ZFAND2A: variants seen among roughly 807,000 people sequenced by gnomAD.
The protein encoded by ZFAND2A is AN1-type zinc finger protein 2A.
In ZFAND2A, 20 loss-of-function variants were observed where a neutral mutation model predicts 11.6. The ratio of observed to expected loss-of-function variants is 1.72; its 90% CI spans 1.21 to 2.50. The LOEUF (loss-of-function observed/expected upper bound fraction) is 2.50. Among genes scored for constraint, ZFAND2A ranks in the 30% most tolerant of loss-of-function variants. The pLI is 0.00. For missense variants in ZFAND2A, 234 were observed against 182.9 expected, an observed-to-expected ratio of 1.28 and a Z score of -1.61; for synonymous variants, 93 against 60.6, an observed-to-expected ratio of 1.54 and a Z score of -2.48.
chr7:1,158,762 G>A (rs1263016999), intron 1 of ZFAND2A, among the ~76,000 whole-genome samples: 1 of 152,172 alleles, frequency 6.6e-6, no homozygotes, highest in African/African-American at 2.4e-5. Flanking sequence ...AGTTGATCAG[G>A]GAGAAGCGCA....
chr7:1,156,128 A>C (rs1460719131), intron 3 of ZFAND2A, among the ~76,000 whole-genome samples: 4 of 117,910 alleles, frequency 3.4e-5, no homozygotes, highest in South Asian at 2.2e-4. Context: ...GCAAGGCTAA[A>C]AACCTGAGCT....
chr7:1,152,058 C>T (rs899341516), downstream of ZFAND2A: 17 of 599,070 alleles, frequency 2.8e-5, no homozygotes, highest in African/African-American at 1.1e-4. Context: ...CTGCTGCTGC[C>T]GAAAGGTTGT....
At chr7:1,157,537 G>A (rs957193336) in intron 3 of ZFAND2A, 119 bp downstream of exon 3, 3 of 1,061,018 alleles carry the variant, frequency 2.8e-6, no homozygotes, top group Admixed American at 2.6e-5. Context: ...CTGAAAAACT[G>A]GATTTTAAAA....
chr7:1,149,279 G>C (rs55647957), downstream of ZFAND2A, among the ~76,000 whole-genome samples: 4 of 152,100 alleles, frequency 2.6e-5, no homozygotes, highest in Non-Finnish European at 5.9e-5. Context: ...TAACCACACC[G>C]AACACTGTGC....
At chr7:1,159,604 T>C (rs560950965) in intron 1 of ZFAND2A, among the ~76,000 whole-genome samples, 1 of 33,162 alleles carries the variant, frequency 3.0e-5, no homozygotes. Flanking sequence ...GCAGGCCCGG[T>C]CCCCAGCAGA....
intron 3 of ZFAND2A, chr7:1,157,329 T>C (rs1234012756): frequency 2.1e-5 from 4 of 194,590 alleles, no homozygotes; most frequent in Non-Finnish European, 4.2e-5. Context: ...GTAACAGCTA[T>C]GGTGTAACAG....
intron 1 of ZFAND2A, among the ~76,000 whole-genome samples, chr7:1,159,146 C>T (rs559051086): frequency 2.0e-5 from 3 of 152,344 alleles, no homozygotes; most frequent in Non-Finnish European, 2.9e-5. Flanking sequence ...TTTCCCAGCC[C>T]TCCTTCGCCC....
At chr7:1,154,183 ATTTTT>A (rs141971953) in intron 4 of ZFAND2A, among the ~76,000 whole-genome samples, 7 of 128,828 alleles carry the variant, frequency 5.4e-5, no homozygotes, top group Non-Finnish European at 1.6e-5. Flanking sequence ...CCCACCGGTC[ATTTTT>A]TTTTTTTTTT....
chr7:1,149,426 C>G (rs544239174), downstream of ZFAND2A, among the ~76,000 whole-genome samples: 1 of 152,330 alleles, frequency 6.6e-6, no homozygotes, highest in South Asian at 2.1e-4. Context: ...CCACCTCAGA[C>G]CACAGAACCA....
chr7:1,149,488 C>T (rs112956471), downstream of ZFAND2A, among the ~76,000 whole-genome samples: 123 of 152,326 alleles, frequency 8.1e-4, 1 homozygote, highest in African/African-American at 2.8e-3. Context: ...TGTGTTTTGA[C>T]ACAGGCTAGG....
chr7:1,154,734 G>C (rs142001861), intron 4 of ZFAND2A, among the ~76,000 whole-genome samples: 1 of 152,216 alleles, frequency 6.6e-6, no homozygotes, highest in Non-Finnish European at 1.5e-5. Context: ...TAACTGTAAA[G>C]TATTGAACAT....
At chr7:1,151,993 A>G (rs532177907), downstream of ZFAND2A, 63 of 379,406 alleles carry the variant, frequency 1.7e-4, no homozygotes, top group African/African-American at 1.2e-3. Context: ...AATGTTGATC[A>G]TGTCAGAGGA....
At chr7:1,155,097 C>A (rs1793490595) in intron 4 of ZFAND2A, among the ~76,000 whole-genome samples, 1 of 152,150 alleles carries the variant, frequency 6.6e-6, no homozygotes, top group African/African-American at 2.4e-5. Flanking sequence ...GGCACTCCAG[C>A]CTGGGTGACA....
At chr7:1,159,124 G>A (rs1227852534) in intron 1 of ZFAND2A, among the ~76,000 whole-genome samples, 1 of 152,114 alleles carries the variant, frequency 6.6e-6, no homozygotes, top group Non-Finnish European at 1.5e-5. Context: ...TACTTAAGGT[G>A]CCCATTAGTC....
Position 1,157,517 on chromosome 7 carries a change from G to C in ZFAND2A, c.150+139C>G. 3 of 796,018 alleles carry C rather than the reference G, an allele frequency of 3.8e-6. No homozygotes were observed. In the South Asian group the frequency reaches 5.1e-5, roughly 14 times the overall value. 49.3% of individuals were successfully genotyped at this position (796,018 alleles called of 1,614,324 possible). A position where few individuals can be genotyped will look rare whatever the true frequency, so the allele number is the denominator to read the frequency against. On this transcript the variant is annotated intron_variant, in intron 3 of 4. Coordinates refer to ENST00000316495, the MANE Select transcript of ZFAND2A (RefSeq NM_182491.4). ...CCTAACAGCAGGCACCTGAAACGAG[G>C]CTAGTGGGACTGAAAAACTGGATTT...
At chr7:1,152,567 G>A (rs1184686858), downstream of ZFAND2A, among the ~76,000 whole-genome samples, 1 of 152,148 alleles carries the variant, frequency 6.6e-6, no homozygotes, top group African/African-American at 2.4e-5. Flanking sequence ...CCCTAGACTC[G>A]GGACCTCAGA....
chr7:1,149,119 T>C (rs1793351996), downstream of ZFAND2A, among the ~76,000 whole-genome samples: 1 of 152,166 alleles, frequency 6.6e-6, no homozygotes, highest in South Asian at 2.1e-4. Flanking sequence ...AGTTTGGACA[T>C]TAAATTATCA....
downstream of ZFAND2A, among the ~76,000 whole-genome samples, chr7:1,152,735 T>C (rs1793423889): frequency 6.6e-6 from 1 of 151,742 alleles, no homozygotes; most frequent in Non-Finnish European, 1.5e-5. Flanking sequence ...CCCGAGATGC[T>C]GGGGAGACGC....
downstream of ZFAND2A, chr7:1,152,036 A>T (rs182638305): frequency 2.1e-6 from 1 of 483,366 alleles, no homozygotes; most frequent in African/African-American, 2.0e-5. Flanking sequence ...TTCAGAAACC[A>T]GCTGTATGAT....
Sources: gnomAD v4.1 joint callset for allele counts (sites outside exome capture counted in the v4.1 genomes callset) on GRCh38, gnomAD v4.1.1 for gene constraint, MANE v1.5 for transcripts, NCBI Gene and HGNC (gene_info 2026-07-23, HGNC 2026-07-21) for gene names.